The following DSC1 variants were observed in gnomAD, a reference collection of about 807,000 sequenced individuals.
DSC1 encodes the protein desmocollin 1.
In DSC1, 79 loss-of-function variants were observed where a neutral mutation model predicts 98.8. The observed-to-expected ratio is 0.80, with a 90% CI of 0.67 to 0.96. DSC1 has a LOEUF of 0.96. Among genes scored for constraint, DSC1 ranks in the 50% least tolerant of loss-of-function variants. The pLI is 0.00. For missense variants in DSC1, 1,115 were observed against 1,075.9 expected, an observed-to-expected ratio of 1.04 and a Z score of -0.51; for synonymous variants, 405 against 372.1, an observed-to-expected ratio of 1.09 and a Z score of -1.02.
At position 31,157,513 on chromosome 18, in the gene DSC1, C is replaced by T; in HGVS notation, c.209G>A (p.Arg70Lys). The T allele has an allele frequency of 6.2e-7, 1 of 1,614,198 alleles. No individual in the cohort carries two copies. Among genetic ancestry groups the T allele is most frequent in the South Asian group, 1.1e-5 (1 of 91,084 alleles). Residue 70 changes from arginine (R) to lysine (K), a missense_variant, in exon 3 of 16, where the codon AGA becomes AAA. By Grantham distance (26) the Arg-to-Lys change is conservative. Coordinates refer to ENST00000257198, the MANE Select transcript of DSC1 (RefSeq NM_024421.2). ...GTAAATTGAGCCATCTTCTAGAATT[C>T]TGAAGGCAGGGTCACTGGACCGGAT... Reference protein sequence around the residue: ...SLIRSSDPAFRILEDGSIYTT... With the variant: ...SLIRSSDPAFKILEDGSIYTT...
In DSC1 at chr18:31,139,804, T is replaced by A. The variant is rs1257173482; in HGVS notation, c.1607A>T (p.Glu536Val). The change falls in exon 11 of 16, where the codon GAA (glutamate) becomes GTA (valine). Residue 536 changes from glutamate to valine, a missense_variant. Physicochemically the swap from Glu to Val is moderately radical, Grantham distance 121 (BLOSUM62 -2). Coordinates refer to ENST00000257198, the MANE Select transcript of DSC1 (RefSeq NM_024421.2). ...TTGGTTGTTTTTTACAAATTTGGAT[T>A]CTCTATCTAGTACTTTTAGAGTTCT... ...DLRTLKVLDR[E>V]SKFVKNNQYN... is the part of the protein sequence containing the mutation. The A allele has an allele frequency of 6.2e-7, 1 of 1,611,716 alleles. No individual in the cohort carries two copies. Among genetic ancestry groups the A allele is most frequent in the South Asian group, 1.1e-5 (1 of 90,672 alleles).
intron 9 of DSC1, among the ~76,000 whole-genome samples, 200 bp downstream of exon 9, chr18:31,141,799 T>C (rs766924813): frequency 3.3e-5 from 5 of 152,116 alleles, no homozygotes; most frequent in African/African-American, 9.7e-5. Flanking sequence ...GAACAATGAG[T>C]TTTGTACCTG....
intron 11 of DSC1, among the ~76,000 whole-genome samples, chr18:31,135,371 T>C (rs998338251): frequency 4.6e-5 from 7 of 152,172 alleles, no homozygotes; most frequent in Non-Finnish European, 8.8e-5. Flanking sequence ...GGTAGCCATA[T>C]TCCAGTGCTT....
rs150246457 is a variant in DSC1 at position 31,133,961 on chromosome 18, G to T, written c.2046C>A (p.Asp682Glu). The T allele has an allele frequency of 6.2e-7, 1 of 1,613,200 alleles. No homozygotes were observed. Among genetic ancestry groups the T allele is most frequent in the Non-Finnish European group, 8.5e-7 (1 of 1,179,586 alleles). The change falls in exon 13 of 16, where the codon GAC becomes GAA. Residue 682 changes from aspartate (D) to glutamate (E), a missense_variant. By Grantham distance (45) the Asp-to-Glu change is conservative. Coordinates refer to ENST00000257198, the MANE Select transcript of DSC1 (RefSeq NM_024421.2). ...TTCCAAGTATTACATTTGGTCTAACGTCTCTTGTACTTTTATCCTTCATTC... is the reference window on the plus strand; with the variant it reads ...TTCCAAGTATTACATTTGGTCTAACTTCTCTTGTACTTTTATCCTTCATTC... ...ECRMKDKSTR[D>E]VRPNVILGRW...
At chr18:31,148,403 T>C (rs1988891191) in intron 6 of DSC1, 95 bp downstream of exon 6, 4 of 1,382,890 alleles carry the variant, frequency 2.9e-6, no homozygotes, top group Non-Finnish European at 3.8e-6. Flanking sequence ...AGAAAATGCA[T>C]AAAATGCAAT....
At position 31,130,673 on chromosome 18, in the gene DSC1, A is replaced by G. The variant is rs139389841; in HGVS notation, c.2526T>C (p.His842=). The G allele has an allele frequency of 9.9e-6, 16 of 1,614,042 alleles. No individual in the cohort carries two copies. Among genetic ancestry groups the G allele is most frequent in the Admixed American group, 3.3e-5 (2 of 59,986 alleles). The change falls in exon 16 of 16, where the codon CAT becomes CAC. Residue 842 remains histidine (H), a synonymous_variant. Coordinates refer to ENST00000257198, the MANE Select transcript of DSC1 (RefSeq NM_024421.2). ...TATACGAACAAACGTAGTCTTCACA[A>G]TGTTTATGCTCCTCATCTTGTCCAC... ...YLCGQDEEHK[H]CEDYVCSYNY... is the part of the protein sequence containing the mutation.
intron 9 of DSC1, among the ~76,000 whole-genome samples, chr18:31,140,781 T>C (rs1351396482): frequency 6.6e-6 from 1 of 152,178 alleles, no homozygotes; most frequent in African/African-American, 2.4e-5. Flanking sequence ...TATTTCAGGC[T>C]GTTTAGTTCC....
At chr18:31,139,630 A>G in intron 11 of DSC1, 118 bp downstream of exon 11, 1 of 1,098,876 alleles carries the variant, frequency 9.1e-7, no homozygotes, top group Non-Finnish European at 1.2e-6. Flanking sequence ...AACATGAACA[A>G]TAAAAATGCA....
Position 31,132,568 on chromosome 18 carries a change from C to A in DSC1, c.2238G>T (p.Thr746=). 1 of 1,612,574 alleles carries A rather than the reference C, an allele frequency of 6.2e-7. No homozygotes were observed. The highest frequency in any genetic ancestry group is 2.2e-5 in the East Asian group (1 of 44,764). ...CAAAGGGATGTGAAATCTGATTTAC[C>A]GTTACTTCTTCTCCAGGTCCTTCAG... The part of the protein sequence containing the change: ...SNTEGPGEEV[T]EANIRLPMQT... The change falls in exon 14 of 16, where the codon ACG becomes ACT. Residue 746 remains threonine (T), a splice_region_variant and synonymous_variant. Coordinates refer to ENST00000257198, the MANE Select transcript of DSC1 (RefSeq NM_024421.2).
Position 31,159,533 on chromosome 18 carries a change from A to AAC in DSC1, c.64-5_64-4insGT. The AAC allele has an allele frequency of 2.2e-6, 2 of 913,530 alleles. No homozygotes were observed. Among genetic ancestry groups the AAC allele is most frequent in the Non-Finnish European group, 2.9e-6 (2 of 693,642 alleles). The allele number at this position is 913,530 out of a possible 1,614,324, so 56.6% of individuals were successfully genotyped here. A position where few individuals can be genotyped will look rare whatever the true frequency, so the allele number is the denominator to read the frequency against. Reference sequence around the variant, plus strand: ...CATCGCAAAGTAATGTTAAAACCTCAAAAAAAAAAAAAGAAAAAATATCAG... The same window carrying AAC: ...CATCGCAAAGTAATGTTAAAACCTCAACAAAAAAAAAAAAGAAAAAATATCAG... On this transcript the variant is annotated splice_region_variant and splice_polypyrimidine_tract_variant and intron_variant, in intron 1 of 15. Transcript: ENST00000257198.
Position 31,134,557 on chromosome 18 carries a change from A to T in DSC1, c.1876+15T>A. On this transcript the variant is annotated intron_variant, in intron 12 of 15. Coordinates refer to ENST00000257198, the MANE Select transcript of DSC1 (RefSeq NM_024421.2). ...GAAGTCCGTATTGACTATAAAATTTAGCATGATTACATACCATCCTTTTCT... is the reference window on the plus strand; with the variant it reads ...GAAGTCCGTATTGACTATAAAATTTTGCATGATTACATACCATCCTTTTCT... 6.3e-7 allele frequency: 1 copy of T among 1,583,372 alleles called. No homozygotes were observed. The highest frequency in any genetic ancestry group is 8.6e-7 in the Non-Finnish European group (1 of 1,159,070).
chr18:31,137,066 C>T (rs150742453), intron 11 of DSC1, among the ~76,000 whole-genome samples: 2 of 152,260 alleles, frequency 1.3e-5, no homozygotes, highest in East Asian at 3.9e-4. Flanking sequence ...ACTTCAACAG[C>T]AATTCTGGAA....
intron 15 of DSC1, among the ~76,000 whole-genome samples, chr18:31,131,006 T>C (rs890432624): frequency 5.3e-5 from 8 of 152,350 alleles, no homozygotes; most frequent in Admixed American, 5.2e-4. Context: ...ATTTGAAATT[T>C]ACCTTTGTAG....
In DSC1 at chr18:31,130,321, CT is replaced by C. The variant is rs905512816; in HGVS notation, c.*192del. 89 of 643,464 alleles carry C rather than the reference CT, an allele frequency of 1.4e-4. No individual in the cohort carries two copies. Among genetic ancestry groups the C allele is most frequent in the African/African-American group, 1.4e-3 (74 of 54,642 alleles). The allele number at this position is 643,464 out of a possible 1,614,324, so 39.9% of individuals were successfully genotyped here. On this transcript the variant is annotated 3_prime_UTR_variant, in exon 16 of 16. Coordinates refer to ENST00000257198, the MANE Select transcript of DSC1 (RefSeq NM_024421.2). The stretch of plus-strand genomic sequence containing the variant: ...ATAAAAGAGAATTAACAAACAAAAC[CT>C]TGATTTCTAGAGAACATGGAAGTTA...
In DSC1 at chr18:31,148,570, C is replaced by G. The variant is rs750014018; in HGVS notation, c.700G>C (p.Asp234His). The change falls in exon 6 of 16, where the codon GAT becomes CAT. Residue 234 changes from aspartate (D) to histidine (H), a missense_variant. Physicochemically the swap from Asp to His is moderately conservative, Grantham distance 81. Transcript: ENST00000257198. ...AAATATGGGGCGTTATCATTATCAT[C>G]TTCAATTTTGATGATCAAAGGGAGT... is the stretch of plus-strand genomic sequence containing the variant. ...YPLPLIIKIE[D>H]DNDNAPYFEH... 2 of 1,612,480 alleles carry G rather than the reference C, an allele frequency of 1.2e-6. No homozygotes were observed. Among genetic ancestry groups the G allele is most frequent in the Non-Finnish European group, 1.7e-6 (2 of 1,178,870 alleles).
intron 7 of DSC1, 125 bp from the exon 8 acceptor site, chr18:31,143,916 T>G: frequency 5.3e-6 from 2 of 376,124 alleles, no homozygotes; most frequent in Non-Finnish European, 6.9e-6. Flanking sequence ...TTTTATATAT[T>G]TATTTATTTA....
intron 5 of DSC1, among the ~76,000 whole-genome samples, chr18:31,150,348 C>CCATCAT (rs1988960971): frequency 1.2e-4 from 1 of 8,252 alleles, no homozygotes; most frequent in African/African-American, 9.1e-4. Context: ...ACCATCACCA[C>CCATCAT]CACCACCACC....
Position 31,158,492 on chromosome 18 carries a change from A to C in DSC1, c.149-919T>G, listed in dbSNP as rs1034708563. 2.0e-5 allele frequency among the ~76,000 whole-genome samples: 3 copies of C among 151,708 alleles called. No individual in the cohort carries two copies. In the East Asian group the frequency reaches 5.9e-4, roughly 30 times the overall value. On this transcript the variant is annotated intron_variant, in intron 2 of 15. Coordinates refer to ENST00000257198, the MANE Select transcript of DSC1 (RefSeq NM_024421.2). ...AATTTCAAACCTTAAAGCACTGGGCAAAACAACATCTGGCTTGGAAAGGAT... is the reference window on the plus strand; with the variant it reads ...AATTTCAAACCTTAAAGCACTGGGCCAAACAACATCTGGCTTGGAAAGGAT...
At chr18:31,132,311 C>T in intron 14 of DSC1, 1 of 393,522 alleles carries the variant, frequency 2.5e-6, no homozygotes, top group South Asian at 3.3e-5. Context: ...CTGCCAACAC[C>T]TTGATCTCTG....
Sources: gnomAD v4.1 joint callset for allele counts (sites outside exome capture counted in the v4.1 genomes callset) on GRCh38, gnomAD v4.1.1 for gene constraint, MANE v1.5 for transcripts, NCBI Gene and HGNC (gene_info 2026-07-23, HGNC 2026-07-21) for gene names.